Variants in PRSS23 observed in about 807,000 individuals in gnomAD.
PRSS23 encodes serine protease 23.
A neutral mutation model predicts 34.7 loss-of-function variants in PRSS23; 25 were observed. The ratio of observed to expected loss-of-function variants is 0.72; its 90% CI spans 0.53 to 1.01. The LOEUF (loss-of-function observed/expected upper bound fraction) is 1.01. Ranked by LOEUF, PRSS23 falls within the 50% of genes least tolerant of loss-of-function variation. The pLI, the probability that PRSS23 is intolerant of heterozygous loss-of-function variation, is 0.00. For synonymous variants in PRSS23, 176 were observed against 186.6 expected, an observed-to-expected ratio of 0.94 and a Z score of 0.46; for missense variants, 445 against 475.6, an observed-to-expected ratio of 0.94 and a Z score of 0.60.
intron 2 of PRSS23, among the ~76,000 whole-genome samples, chr11:86,853,557 A>G (rs1371004180): frequency 1.3e-5 from 2 of 152,102 alleles, no homozygotes; most frequent in Admixed American, 6.6e-5. Flanking sequence ...GCTGGCCAGA[A>G]GTGCCTGCAT....
At chr11:86,841,167 C>G (rs1400698005) in intron 2 of PRSS23, among the ~76,000 whole-genome samples, 1 of 151,846 alleles carries the variant, frequency 6.6e-6, no homozygotes, top group African/African-American at 2.4e-5. Flanking sequence ...TGGAGATACT[C>G]CATCTCTACT....
At position 86,929,174 on chromosome 11, in the gene PRSS23, A is replaced by G. The variant is rs553244838; in HGVS notation, c.207-22042A>G. 2.0e-4 allele frequency among the ~76,000 whole-genome samples: 31 copies of G among 152,088 alleles called. No individual in the cohort carries two copies. The South Asian group carries it at 5.6e-3, about 28-fold the overall frequency. On this transcript the variant is annotated intron_variant, in intron 2 of 2. Transcript: ENST00000533902. ...CCGTCTCTACTAAAAACACAAAATT[A>G]GCCGGGCATGGTGGCGCAAGTTTGT... is the stretch of plus-strand genomic sequence containing the variant.
At chr11:86,899,101 C>G (rs1475272266) in intron 2 of PRSS23, among the ~76,000 whole-genome samples, 1 of 152,142 alleles carries the variant, frequency 6.6e-6, no homozygotes, top group Non-Finnish European at 1.5e-5. Context: ...CAAACCCCAC[C>G]TGCTTCAACA....
chr11:86,811,518 A>C (rs1948178266), downstream of PRSS23, among the ~76,000 whole-genome samples: 1 of 152,242 alleles, frequency 6.6e-6, no homozygotes, highest in Admixed American at 6.5e-5. Context: ...ACTTTACTCC[A>C]AATTTTGAAT....
At chr11:86,907,326 A>G (rs1260141124) in intron 2 of PRSS23, among the ~76,000 whole-genome samples, 1 of 152,216 alleles carries the variant, frequency 6.6e-6, no homozygotes, top group East Asian at 1.9e-4. Context: ...ATAAATGTTT[A>G]TTGAACAAAT....
chr11:86,948,345 T>C (rs908393861), intron 2 of PRSS23: 2 of 152,042 alleles, frequency 1.3e-5, no homozygotes, highest in East Asian at 1.9e-4. Flanking sequence ...ACAGAGATTA[T>C]CTATTTCAGG....
chr11:86,906,349 G>C (rs1256207718), intron 2 of PRSS23, among the ~76,000 whole-genome samples: 3 of 148,032 alleles, frequency 2.0e-5, no homozygotes, highest in Non-Finnish European at 4.5e-5. Context: ...GCCCCCACCA[G>C]CGCCACCCTC....
chr11:86,951,845 A>G (rs759867904), exon 3 of PRSS23: 1 of 1,613,762 alleles, frequency 6.2e-7, no homozygotes, highest in South Asian at 1.1e-5. Context: ...CAAGAAAATT[A>G]TTGCACATCC....
At position 86,840,762 on chromosome 11, in the gene PRSS23, G is replaced by A. The variant is rs998202088; in HGVS notation, c.206+17169G>A. On this transcript the variant is annotated intron_variant, in intron 2 of 2. Transcript: ENST00000533902. ...GAACAGAAATCACAACAAATTATCT[G>A]TCAGACCACAGTGCAATCAAAGTAC... 4.6e-5 allele frequency among the ~76,000 whole-genome samples: 7 copies of A among 152,110 alleles called. No individual in the cohort carries two copies. In the East Asian group the frequency reaches 1.2e-3, roughly 25 times the overall value.
At chr11:86,905,524 T>A (rs1368759702) in intron 2 of PRSS23, among the ~76,000 whole-genome samples, 1 of 152,200 alleles carries the variant, frequency 6.6e-6, no homozygotes, top group African/African-American at 2.4e-5. Context: ...TCCTTTCAGA[T>A]TCAACTTCTA....
intron 1 of PRSS23, among the ~76,000 whole-genome samples, chr11:86,802,093 T>C (rs1948046700): frequency 6.6e-6 from 1 of 152,236 alleles, no homozygotes; most frequent in South Asian, 2.1e-4. Context: ...CAATGGTTAA[T>C]AGTCTCAGGT....
rs11234821 is a variant in PRSS23 at position 86,821,971 on chromosome 11, A to T, written c.-11-1406A>T. On this transcript the variant is annotated intron_variant, in intron 1 of 2. Transcript: ENST00000533902. ...AATTGACATTACAGATGAAATAAAG[A>T]TGAATACAGAAGAGAAGATCCTACT... 6.5e-3 allele frequency among the ~76,000 whole-genome samples: 988 copies of T among 152,360 alleles called. 20 individuals are homozygous for T. The highest frequency in any genetic ancestry group is 0.023 in the African/African-American group (939 of 41,578).
chr11:86,886,709 T>C (rs1948804691), intron 2 of PRSS23, among the ~76,000 whole-genome samples: 1 of 152,038 alleles, frequency 6.6e-6, no homozygotes, highest in African/African-American at 2.4e-5. Context: ...GAGGCCGAGG[T>C]GGGCAGATCA....
At chr11:86,823,313 C>G in intron 1 of PRSS23, 4 of 687,652 alleles carry the variant, frequency 5.8e-6, no homozygotes, top group Non-Finnish European at 1.1e-5. Flanking sequence ...TGTAGAATAG[C>G]TAACCTAATT....
intron 2 of PRSS23, among the ~76,000 whole-genome samples, chr11:86,884,519 C>T (rs944101740): frequency 7.9e-5 from 12 of 152,254 alleles, no homozygotes; most frequent in Admixed American, 2.0e-4. Flanking sequence ...AAGCTGGTCT[C>T]GAACTCCTGA....
In PRSS23 at chr11:86,801,907, A is replaced by G. The variant is rs368313280; in HGVS notation, c.-14+1256A>G. Among the ~76,000 whole-genome samples, 5 of 152,302 alleles carry G rather than the reference A, an allele frequency of 3.3e-5. No homozygotes were observed. The East Asian group carries it at 5.8e-4, about 18-fold the overall frequency. On this transcript the variant is annotated intron_variant, in intron 1 of 1. Transcript: ENST00000280258. ...CCTAGTTAAATAAAGTCAAGCGGTA[A>G]CTTGTCCTTTCCTGTGCCTGAACTG... is the stretch of plus-strand genomic sequence containing the variant.
At chr11:86,853,085 C>T (rs1337974842) in intron 2 of PRSS23, among the ~76,000 whole-genome samples, 1 of 151,536 alleles carries the variant, frequency 6.6e-6, no homozygotes, top group Non-Finnish European at 1.5e-5. Flanking sequence ...AACTCCTGAC[C>T]TTAAGTGATC....
intron 2 of PRSS23, among the ~76,000 whole-genome samples, chr11:86,845,284 T>G (rs1020913684): frequency 6.6e-6 from 1 of 152,164 alleles, no homozygotes; most frequent in Non-Finnish European, 1.5e-5. Context: ...TACTCAGTAC[T>G]TACTTAGATA....
At chr11:86,799,157 G>A (rs1948002107), upstream of PRSS23, among the ~76,000 whole-genome samples, 1 of 152,170 alleles carries the variant, frequency 6.6e-6, no homozygotes, top group African/African-American at 2.4e-5. Flanking sequence ...GAGAAGGGAG[G>A]ATACTTGAGC....
Sources: gnomAD v4.1 joint callset for allele counts (sites outside exome capture counted in the v4.1 genomes callset) on GRCh38, gnomAD v4.1.1 for gene constraint, MANE v1.5 for transcripts, NCBI Gene and HGNC (gene_info 2026-07-23, HGNC 2026-07-21) for gene names.